ECI1: variants seen among roughly 807,000 people sequenced by gnomAD.
ECI1 encodes enoyl-CoA delta isomerase 1, also known as enoyl-CoA delta isomerase 1, mitochondrial.
A neutral mutation model predicts 34.2 loss-of-function variants in ECI1; 34 were observed. That is an observed-to-expected ratio of 1.00 (90% CI 0.76 to 1.33). ECI1 has a LOEUF of 1.33. ECI1 is among the 40% of genes most tolerant of loss of function. ECI1 has a pLI of 0.00. For missense variants in ECI1, 456 were observed against 422.2 expected (o/e 1.08, Z -0.70); for synonymous variants, 211 against 193.0 (o/e 1.09, Z -0.77).
chr16:2,251,139 GA>G (rs2093552295), intron 2 of ECI1, among the ~76,000 whole-genome samples, 176 bp downstream of exon 2: 1 of 152,228 alleles, frequency 6.6e-6, no homozygotes, highest in Admixed American at 6.5e-5. Flanking sequence ...TTTAAAAACA[GA>G]AACTTTTATC....
At position 2,239,758 on chromosome 16, in the gene ECI1, A is replaced by C. The variant is rs1389230802; in HGVS notation, c.*221T>G. 1 of 581,880 alleles carries C rather than the reference A, an allele frequency of 1.7e-6. No homozygotes were observed. Among genetic ancestry groups the C allele is most frequent in the Non-Finnish European group, 3.1e-6 (1 of 324,872 alleles). 36.0% of individuals were successfully genotyped at this position (581,880 alleles called of 1,614,324 possible). On this transcript the variant is annotated 3_prime_UTR_variant, in exon 7 of 7. Transcript: ENST00000301729. ...CCTGCCAGTCACAATCCCAAGTCAA[A>C]AGGCTGCCCTCCAACTCCCCTTGCC...
In ECI1 at chr16:2,243,106, G is replaced by C. The variant is rs756967360; in HGVS notation, c.682C>G (p.Pro228Ala). Residue 228 changes from proline (P) to alanine (A), a missense_variant, in exon 6 of 7, where the codon CCG becomes GCG. By Grantham distance (27) the Pro-to-Ala change is conservative (BLOSUM62 -1). Transcript: ENST00000301729. The stretch of plus-strand genomic sequence containing the variant: ...GCAGTGCTCTGCACCTGCTCCTCCG[G>C]GACCACCTGGTCCACTATGCCCACC... ...LQVGIVDQVV[P>A]EEQVQSTALS... 20 of 1,605,654 alleles carry C rather than the reference G, an allele frequency of 1.2e-5. No individual in the cohort carries two copies. The highest frequency in any genetic ancestry group is 1.5e-5 in the Non-Finnish European group (18 of 1,179,866).
chr16:2,247,923 G>A (rs530480055), intron 2 of ECI1, among the ~76,000 whole-genome samples: 6 of 152,214 alleles, frequency 3.9e-5, no homozygotes, highest in African/African-American at 1.4e-4. Flanking sequence ...TGCCCAGGCT[G>A]GTCTTGAACT....
intron 3 of ECI1, among the ~76,000 whole-genome samples, chr16:2,244,787 G>C (rs1296135255): frequency 6.6e-6 from 1 of 152,238 alleles, no homozygotes; most frequent in Admixed American, 6.5e-5. Flanking sequence ...CTTCAAACTG[G>C]ATAGGAGAGG....
At position 2,239,901 on chromosome 16, in the gene ECI1, G is replaced by C. The variant is rs1430283753; in HGVS notation, c.*78C>G. 1 of 1,477,228 alleles carries C rather than the reference G, an allele frequency of 6.8e-7. No individual in the cohort carries two copies. The highest frequency in any genetic ancestry group is 1.4e-5 in the African/African-American group (1 of 72,190). 91.5% of individuals were successfully genotyped at this position (1,477,228 alleles called of 1,614,324 possible). A position where few individuals can be genotyped will look rare whatever the true frequency, so the allele number is the denominator to read the frequency against. ...AATGAAACGCTGGCAGTACTTTTAA[G>C]TTGAAAAATACCTTGTTTAAGACCT... On this transcript the variant is annotated 3_prime_UTR_variant, in exon 7 of 7. Coordinates refer to ENST00000301729, the MANE Select transcript of ECI1 (RefSeq NM_001919.4).
Position 2,247,003 on chromosome 16 carries a change from G to C in ECI1, c.167-17C>G. On this transcript the variant is annotated splice_polypyrimidine_tract_variant and intron_variant, in intron 2 of 6. Coordinates refer to ENST00000301729, the MANE Select transcript of ECI1 (RefSeq NM_001919.4). ...CAGCGACCCCTAATTTAAAGAATGA[G>C]AAGAGAAAGCTCACACCTGGCACTG... 2 of 1,611,646 alleles carry C rather than the reference G, an allele frequency of 1.2e-6. No individual in the cohort carries two copies. Among genetic ancestry groups the C allele is most frequent in the Non-Finnish European group, 1.7e-6 (2 of 1,179,494 alleles).
chr16:2,244,864 C>T (rs1285335655), intron 3 of ECI1, among the ~76,000 whole-genome samples: 2 of 152,202 alleles, frequency 1.3e-5, no homozygotes, highest in Admixed American at 6.5e-5. Flanking sequence ...ACGCCTGGCT[C>T]GGGCAGAAGA....
At chr16:2,244,121 C>G (rs1003183578) in intron 4 of ECI1, 7 of 520,664 alleles carry the variant, frequency 1.3e-5, no homozygotes, top group Non-Finnish European at 2.1e-5. Flanking sequence ...ACCCACTCAC[C>G]CACACAGCCT....
chr16:2,242,997 T>C (rs1567312680), intron 6 of ECI1, 49 bp downstream of exon 6: 1 of 1,462,502 alleles, frequency 6.8e-7, no homozygotes. Flanking sequence ...GTGGAGAACC[T>C]TCTGGTCTCC....
At chr16:2,245,762 T>C (rs536175658) in intron 3 of ECI1, among the ~76,000 whole-genome samples, 31 of 152,086 alleles carry the variant, frequency 2.0e-4, no homozygotes, top group African/African-American at 7.5e-4. Context: ...CCTGTAATCC[T>C]AGCACACTGG....
rs1254243591 is a variant in ECI1 at position 2,239,567 on chromosome 16, T to G, written c.*412A>C. The G allele has an allele frequency of 1.3e-5, 4 of 312,308 alleles. No homozygotes were observed. The highest frequency in any genetic ancestry group is 2.2e-5 in the African/African-American group (1 of 46,240). The allele number at this position is 312,308 out of a possible 1,614,324, so 19.3% of individuals were successfully genotyped here. A position where few individuals can be genotyped will look rare whatever the true frequency, so the allele number is the denominator to read the frequency against. On this transcript the variant is annotated 3_prime_UTR_variant, in exon 7 of 7. Transcript: ENST00000301729. ...AGTAAGGGCAGTGACCAAAGGGCTT[T>G]TCCCTGGGGAGTTCTGTGTGGGTCA...
intron 6 of ECI1, among the ~76,000 whole-genome samples, chr16:2,242,168 T>A (rs968825197): frequency 1.3e-5 from 2 of 151,588 alleles, no homozygotes; most frequent in African/African-American, 4.8e-5. Context: ...CATTTCTGTA[T>A]TTTTAGTAGA....
rs1345813971 is a variant in ECI1 at position 2,251,534 on chromosome 16, C to G, written c.33G>C (p.Ala11=). MALVASVRVP[A]RVLLRAGARL... is the part of the protein sequence containing the mutation. ...TCGCACCCGCGCGGAGCAGAACGCG[C>G]GCCGGGACTCGCACAGAAGCCACCA... Residue 11 remains alanine (A), a synonymous_variant, in exon 1 of 7, where the codon GCG becomes GCC. Coordinates refer to ENST00000301729, the MANE Select transcript of ECI1 (RefSeq NM_001919.4). The G allele has an allele frequency of 6.4e-7, 1 of 1,560,160 alleles. No homozygotes were observed. Among genetic ancestry groups the G allele is most frequent in the African/African-American group, 1.4e-5 (1 of 73,372 alleles).
At chr16:2,247,026 C>A in intron 2 of ECI1, 40 bp from the exon 3 acceptor site, 1 of 1,607,140 alleles carries the variant, frequency 6.2e-7, no homozygotes, top group Non-Finnish European at 8.5e-7. Context: ...ACACCTGGCA[C>A]TGGAAAAGCA....
At position 2,239,570 on chromosome 16, in the gene ECI1, C is replaced by T. The variant is rs7205870; in HGVS notation, c.*409G>A. ...AAGGGCAGTGACCAAAGGGCTTTTC[C>T]CTGGGGAGTTCTGTGTGGGTCATGG... On this transcript the variant is annotated 3_prime_UTR_variant, in exon 7 of 7. Coordinates refer to ENST00000301729, the MANE Select transcript of ECI1 (RefSeq NM_001919.4). The T allele has an allele frequency of 8.0e-3, 2,586 of 325,034 alleles. 63 individuals carry two copies. Among genetic ancestry groups the T allele is most frequent in the African/African-American group, 0.051 (2,371 of 46,500 alleles). 20.1% of individuals were successfully genotyped at this position (325,034 alleles called of 1,614,324 possible).
At chr16:2,250,018 A>T (rs895414075) in intron 2 of ECI1, among the ~76,000 whole-genome samples, 5 of 148,746 alleles carry the variant, frequency 3.4e-5, no homozygotes, top group African/African-American at 1.2e-4. Flanking sequence ...TCTCAAAAAA[A>T]AAAAAATAAT....
chr16:2,244,635 G>A (rs2093536179), intron 3 of ECI1, 83 bp from the exon 4 acceptor site: 1 of 1,444,372 alleles, frequency 6.9e-7, no homozygotes, highest in Non-Finnish European at 9.5e-7. Context: ...GAGCCCAGGT[G>A]CACGACGCAC....
chr16:2,246,368 G>A lies in ECI1; in HGVS notation c.294+491C>T, dbSNP rs866928333. The stretch of plus-strand genomic sequence containing the variant: ...AGGGCACCCAAGTGATCCTAGTGGG[G>A]AGCACTCCAGGAACCCACCACCAGG... On this transcript the variant is annotated intron_variant, in intron 3 of 6. Coordinates refer to ENST00000301729, the MANE Select transcript of ECI1 (RefSeq NM_001919.4). Among the ~76,000 whole-genome samples the A allele has an allele frequency of 5.3e-5, 8 of 152,284 alleles. No individual in the cohort carries two copies. The Middle Eastern group carries it at 0.014, about 259-fold the overall frequency.
chr16:2,244,652 G>T, intron 3 of ECI1, 100 bp from the exon 4 acceptor site: 3 of 1,293,398 alleles, frequency 2.3e-6, no homozygotes, highest in Non-Finnish European at 3.2e-6. Context: ...GCACAGCAGG[G>T]CCAGGTCACG....
Sources: gnomAD v4.1 joint callset for allele counts (sites outside exome capture counted in the v4.1 genomes callset) on GRCh38, gnomAD v4.1.1 for gene constraint, MANE v1.5 for transcripts, NCBI Gene and HGNC (gene_info 2026-07-23, HGNC 2026-07-21) for gene names.